Variants in SKIC3 observed in about 807,000 individuals in gnomAD.
SKIC3 encodes SKI3 subunit of superkiller complex.
At chr5:95,540,819 T>C in the SKIC3 span, 1 of 1,614,092 alleles carries the variant, frequency 6.2e-7, no homozygotes, top group African/African-American at 1.3e-5. Flanking sequence ...ACTTGTGCCA[T>C]GTTCGAGCCA....
chr5:95,476,240 A>G, the SKIC3 span, among the ~76,000 whole-genome samples: 2 of 152,138 alleles, frequency 1.3e-5, no homozygotes, highest in African/African-American at 4.8e-5. Flanking sequence ...TCCTGAGTTG[A>G]ATGCCGCAGC....
the SKIC3 span, chr5:95,514,830 A>G: frequency 6.2e-7 from 1 of 1,607,254 alleles, no homozygotes; most frequent in Admixed American, 1.7e-5. Context: ...CAAGCTTATT[A>G]GTAACTATAT....
At chr5:95,467,659 T>C in the SKIC3 span, among the ~76,000 whole-genome samples, 1 of 152,142 alleles carries the variant, frequency 6.6e-6, no homozygotes, top group African/African-American at 2.4e-5. Flanking sequence ...CTTTAAACCA[T>C]ATGCATAAAT....
the SKIC3 span, chr5:95,529,142 T>C: frequency 6.4e-7 from 1 of 1,568,856 alleles, no homozygotes; most frequent in Non-Finnish European, 8.8e-7. Flanking sequence ...AAGGTTTCTG[T>C]GACTACATAG....
chr5:95,513,572 T>C, the SKIC3 span: 5 of 1,613,392 alleles, frequency 3.1e-6, no homozygotes, highest in South Asian at 2.2e-5. Flanking sequence ...GATTCTTACA[T>C]GCATATTTAG....
chr5:95,494,648 G>A, the SKIC3 span: 1 of 1,590,900 alleles, frequency 6.3e-7, no homozygotes, highest in Non-Finnish European at 8.6e-7. Context: ...GAAAAAAAAA[G>A]AATTGGAATT....
the SKIC3 span, among the ~76,000 whole-genome samples, chr5:95,465,108 A>G: frequency 4.0e-5 from 6 of 151,668 alleles, no homozygotes; most frequent in African/African-American, 1.5e-4. Context: ...TTGTATTTTT[A>G]GTAGAGATGG....
the SKIC3 span, among the ~76,000 whole-genome samples, chr5:95,551,260 C>G: frequency 6.6e-6 from 1 of 151,984 alleles, no homozygotes; most frequent in Non-Finnish European, 1.5e-5. Context: ...GAAGTGGCTT[C>G]TGTCAAACAA....
At chr5:95,540,680 G>C in the SKIC3 span, 8 of 1,613,784 alleles carry the variant, frequency 5.0e-6, no homozygotes, top group Non-Finnish European at 6.8e-6. Flanking sequence ...AGGAATAAAT[G>C]AGTCAATACC....
At chr5:95,516,727 G>C in the SKIC3 span, 1 of 1,613,142 alleles carries the variant, frequency 6.2e-7, no homozygotes, top group African/African-American at 1.3e-5. Flanking sequence ...TATTACTGTC[G>C]AGTCTCACTG....
chr5:95,534,264 T>C, the SKIC3 span, among the ~76,000 whole-genome samples: 12 of 151,908 alleles, frequency 7.9e-5, 1 homozygote, highest in African/African-American at 2.7e-4. Flanking sequence ...TTGTGCTTGA[T>C]GTACCTCATC....
At chr5:95,543,208 C>G in the SKIC3 span, 7 of 1,613,848 alleles carry the variant, frequency 4.3e-6, no homozygotes, top group African/African-American at 9.3e-5. Context: ...ATTGGTCTGG[C>G]TCTAATTCAG....
the SKIC3 span, chr5:95,536,633 G>A: frequency 1.7e-6 from 1 of 586,656 alleles, no homozygotes; most frequent in Non-Finnish European, 3.0e-6. Context: ...CTGTATTACT[G>A]TACTTTCCTA....
At chr5:95,474,467 G>A in the SKIC3 span, among the ~76,000 whole-genome samples, 3 of 152,170 alleles carry the variant, frequency 2.0e-5, no homozygotes, top group African/African-American at 7.2e-5. Context: ...CTTCTAGCTC[G>A]TAACATTTCT....
chr5:95,477,837 A>G, the SKIC3 span, among the ~76,000 whole-genome samples: 1 of 152,164 alleles, frequency 6.6e-6, no homozygotes, highest in Non-Finnish European at 1.5e-5. Flanking sequence ...TTTCCCTACC[A>G]GCATGTAAAA....
At chr5:95,503,112 A>G in the SKIC3 span, 1 of 1,211,668 alleles carries the variant, frequency 8.3e-7, no homozygotes, top group Non-Finnish European at 1.2e-6. Context: ...ATACAATTAT[A>G]TCTTTGTATT....
At chr5:95,473,465 G>A in the SKIC3 span, among the ~76,000 whole-genome samples, 1 of 152,088 alleles carries the variant, frequency 6.6e-6, no homozygotes, top group East Asian at 1.9e-4. Context: ...CTATAGAGAT[G>A]GGATTTTGCC....
the SKIC3 span, among the ~76,000 whole-genome samples, chr5:95,538,469 G>A: frequency 6.6e-6 from 1 of 152,000 alleles, no homozygotes; most frequent in Non-Finnish European, 1.5e-5. Flanking sequence ...ATTAATGAGT[G>A]AACAAATGAA....
At chr5:95,467,953 C>T in the SKIC3 span, 2 of 1,613,506 alleles carry the variant, frequency 1.2e-6, no homozygotes, top group African/African-American at 1.3e-5. Context: ...GATACCCAGG[C>T]TGATATACCA....
Sources: gnomAD v4.1 joint callset for allele counts (sites outside exome capture counted in the v4.1 genomes callset) on GRCh38, gnomAD v4.1.1 for gene constraint, MANE v1.5 for transcripts, NCBI Gene and HGNC (gene_info 2026-07-23, HGNC 2026-07-21) for gene names.